The following DIP2B variants were observed in gnomAD, a reference collection of about 807,000 sequenced individuals.
DIP2B encodes the protein DIP2 acetate--CoA ligase B (putative).
DIP2B carries 76 observed loss-of-function variants against 198.0 expected under a neutral mutation model. The observed-to-expected ratio is 0.38, with a 90% CI of 0.32 to 0.46. The LOEUF (loss-of-function observed/expected upper bound fraction) is 0.46. Ranked by LOEUF, DIP2B falls within the 20% of genes least tolerant of loss-of-function variation. The probability of loss-of-function intolerance (pLI) is 0.99; values close to 1 mark genes in which losing one functional copy is unlikely to be tolerated. For synonymous variants in DIP2B, 701 were observed against 739.1 expected (o/e 0.95, Z 0.84); for missense variants, 1,559 against 1,978.4 (o/e 0.79, Z 4.02).
intron 1 of DIP2B, among the ~76,000 whole-genome samples, chr12:50,589,156 C>T (rs1958796980): frequency 6.6e-6 from 1 of 151,216 alleles, no homozygotes; most frequent in Admixed American, 6.6e-5. Flanking sequence ...TGCACTCCAG[C>T]CTAGGAAACA....
intron 33 of DIP2B, among the ~76,000 whole-genome samples, 192 bp downstream of exon 33, chr12:50,734,388 TG>T (rs1272657252): frequency 6.6e-6 from 1 of 152,248 alleles, no homozygotes; most frequent in Non-Finnish European, 1.5e-5. Flanking sequence ...TTCTCTCAGT[TG>T]CTACACTGTT....
intron 7 of DIP2B, among the ~76,000 whole-genome samples, chr12:50,677,492 A>G (rs1395102067): frequency 1.3e-5 from 2 of 151,892 alleles, no homozygotes; most frequent in South Asian, 2.1e-4. Context: ...GCGGGCGCCT[A>G]TAATCCCAGC....
At chr12:50,730,726 C>T (rs1940027755) in intron 30 of DIP2B, among the ~76,000 whole-genome samples, 1 of 152,162 alleles carries the variant, frequency 6.6e-6, no homozygotes, top group African/African-American at 2.4e-5. Context: ...TTCAAACATG[C>T]TGTAATTATC....
At chr12:50,595,075 C>T (rs1958866895) in intron 1 of DIP2B, among the ~76,000 whole-genome samples, 1 of 152,146 alleles carries the variant, frequency 6.6e-6, no homozygotes. Context: ...GATTTTCATA[C>T]TACTGTTAAG....
intron 3 of DIP2B, among the ~76,000 whole-genome samples, chr12:50,653,586 C>T (rs2139503717): frequency 6.6e-6 from 1 of 152,080 alleles, no homozygotes; most frequent in South Asian, 2.1e-4. Flanking sequence ...AAGTGATCTG[C>T]CCACCTTGGC....
At chr12:50,584,793 A>C (rs1958756371) in intron 1 of DIP2B, among the ~76,000 whole-genome samples, 1 of 152,094 alleles carries the variant, frequency 6.6e-6, no homozygotes, top group South Asian at 2.1e-4. Flanking sequence ...TGAACTCGTG[A>C]CCTCAAGTGA....
intron 19 of DIP2B, among the ~76,000 whole-genome samples, chr12:50,703,028 C>A (rs1175366281): frequency 6.6e-6 from 1 of 151,834 alleles, no homozygotes; most frequent in African/African-American, 2.4e-5. Flanking sequence ...GAGTTCAATA[C>A]CTCTGGACAA....
At chr12:50,547,889 T>C (rs1049697357) in intron 1 of DIP2B, among the ~76,000 whole-genome samples, 1 of 152,034 alleles carries the variant, frequency 6.6e-6, no homozygotes. Context: ...GGCAATGTAG[T>C]GAGACCCCAT....
At chr12:50,600,928 CACCACCACCACT>C (rs1337164749) in intron 1 of DIP2B, among the ~76,000 whole-genome samples, 70 of 145,788 alleles carry the variant, frequency 4.8e-4, no homozygotes, top group African/African-American at 1.7e-3. Context: ...CCACCACCAC[CACCACCACCACT>C]ACCACCACCA....
intron 1 of DIP2B, among the ~76,000 whole-genome samples, chr12:50,536,967 A>G (rs989991590): frequency 6.6e-6 from 1 of 150,638 alleles, no homozygotes; most frequent in African/African-American, 2.4e-5. Context: ...AGGGGACAGG[A>G]CTTTAGTTCT....
intron 19 of DIP2B, among the ~76,000 whole-genome samples, chr12:50,703,328 G>A (rs1939456024): frequency 6.6e-6 from 1 of 151,742 alleles, no homozygotes; most frequent in Admixed American, 6.6e-5. Context: ...CATAGTACTA[G>A]CCAGGACATG....
intron 30 of DIP2B, among the ~76,000 whole-genome samples, chr12:50,730,382 CTT>C (rs35093819): frequency 4.0e-4 from 25 of 62,706 alleles, no homozygotes; most frequent in Middle Eastern, 0.015. Flanking sequence ...CTCTCTCTCT[CTT>C]TTTTTTTTTT....
chr12:50,730,164 T>C (rs1467904061), intron 30 of DIP2B, among the ~76,000 whole-genome samples: 1 of 152,196 alleles, frequency 6.6e-6, no homozygotes, highest in Non-Finnish European at 1.5e-5. Context: ...ATGTCCATAT[T>C]GTCAGTGTTG....
chr12:50,676,886 C>T (rs536427447), intron 7 of DIP2B, among the ~76,000 whole-genome samples: 28 of 152,080 alleles, frequency 1.8e-4, no homozygotes, highest in African/African-American at 6.5e-4. Flanking sequence ...GGTGGTTTAG[C>T]GTCTGGGAAT....
intron 1 of DIP2B, among the ~76,000 whole-genome samples, chr12:50,551,145 C>T (rs577491302): frequency 4.6e-5 from 7 of 151,926 alleles, no homozygotes; most frequent in South Asian, 2.1e-4. Context: ...GATTTGAGGC[C>T]GGGCGTGGTG....
chr12:50,617,450 C>T (rs146820322), intron 1 of DIP2B, among the ~76,000 whole-genome samples: 9,780 of 151,770 alleles, frequency 0.064, 729 homozygotes, highest in East Asian at 0.36. Flanking sequence ...CCACCGCACC[C>T]GGCCTTTTTT....
At chr12:50,728,700 A>G (rs1939982353) in intron 30 of DIP2B, 22 bp downstream of exon 30, 1 of 1,612,494 alleles carries the variant, frequency 6.2e-7, no homozygotes, top group Non-Finnish European at 8.5e-7. Flanking sequence ...AAAGCCAAGG[A>G]GACAGAATGT....
chr12:50,623,540 C>CAA (rs1177204056), intron 1 of DIP2B, among the ~76,000 whole-genome samples: 1 of 151,544 alleles, frequency 6.6e-6, no homozygotes. Context: ...CACACACACA[C>CAA]ACACACACTC....
chr12:50,666,404 T>C (rs190181366), intron 4 of DIP2B, among the ~76,000 whole-genome samples: 25 of 152,278 alleles, frequency 1.6e-4, no homozygotes, highest in Admixed American at 2.6e-4. Context: ...TTTAGACATA[T>C]CAGTTAGATA....
Sources: gnomAD v4.1 joint callset for allele counts (sites outside exome capture counted in the v4.1 genomes callset) on GRCh38, gnomAD v4.1.1 for gene constraint, MANE v1.5 for transcripts, NCBI Gene and HGNC (gene_info 2026-07-23, HGNC 2026-07-21) for gene names.